The following HDAC4 variants were observed in gnomAD, a reference collection of about 807,000 sequenced individuals.
The protein encoded by HDAC4 is histone deacetylase A.
Under a neutral mutation model 135.1 loss-of-function variants are expected in HDAC4, and 16 were observed. The observed-to-expected ratio is 0.12, with a 90% CI of 0.08 to 0.18. The LOEUF (loss-of-function observed/expected upper bound fraction) is 0.18. Among genes scored for constraint, HDAC4 ranks in the 10% least tolerant of loss-of-function variants. The probability of loss-of-function intolerance (pLI) is 1.00; values close to 1 mark genes in which losing one functional copy is unlikely to be tolerated. For missense variants in HDAC4, 1,143 were observed against 1,511.8 expected (o/e 0.76, Z 4.05); for synonymous variants, 685 against 653.4 (o/e 1.05, Z -0.74).
intron 4 of HDAC4, among the ~76,000 whole-genome samples, chr2:239,178,975 C>T (rs572051271): frequency 5.7e-4 from 87 of 151,600 alleles, no homozygotes; most frequent in African/African-American, 1.8e-3. Context: ...GGAGTGCGTG[C>T]GAGGCAGCCA....
chr2:239,075,455 G>A (rs962013050), intron 22 of HDAC4, among the ~76,000 whole-genome samples: 42 of 152,122 alleles, frequency 2.8e-4, no homozygotes, highest in Admixed American at 5.9e-4. Flanking sequence ...GGAGAAATGG[G>A]TGGAAAGAGG....
intron 7 of HDAC4, among the ~76,000 whole-genome samples, chr2:239,148,070 G>A (rs1240215821): frequency 6.6e-6 from 1 of 152,206 alleles, no homozygotes; most frequent in African/African-American, 2.4e-5. Flanking sequence ...GCAATGTCCA[G>A]CGGCCAGCGA....
Position 239,309,887 on chromosome 2 carries a change from GC to G in HDAC4, c.22+42790del, listed in dbSNP as rs1189984342. On this transcript the variant is annotated intron_variant, in intron 2 of 26. Transcript: ENST00000543185. The surrounding 1 kb of genome is among the most constrained non-coding windows in gnomAD (Gnocchi z 4.2). ...CTAGCAGAAGGGTGTTCTGGAAGCT[GC>G]CCCCTCCCATGCTGCTGCCTGGTCC... 3.3e-5 allele frequency among the ~76,000 whole-genome samples: 5 copies of G among 152,230 alleles called. No individual in the cohort carries two copies. The highest frequency in any genetic ancestry group is 7.3e-5 in the Non-Finnish European group (5 of 68,032).
rs1179691315 is a variant in HDAC4, at chr2:239,277,926, T to TCCAGCCACACACG, written c.23-41275_23-41263dup. On this transcript the variant is annotated intron_variant, in intron 2 of 26. Coordinates refer to ENST00000543185, the MANE Select transcript of HDAC4 (RefSeq NM_001378414.1). ...CCAGTCACACACCCCAGCCACACAC[T>TCCAGCCACACACG]CCAGCCACACACGCCAGCCACACAC... Among the ~76,000 whole-genome samples, 25 of 144,566 alleles carry TCCAGCCACACACG rather than the reference T, an allele frequency of 1.7e-4. 1 individual carries two copies. In the Middle Eastern group the frequency reaches 0.01, roughly 60 times the overall value. The allele number at this position is 144,566 out of a possible 152,430, so 94.8% of individuals were successfully genotyped here.
intron 2 of HDAC4, among the ~76,000 whole-genome samples, chr2:239,273,688 G>A (rs149297083): frequency 6.6e-6 from 1 of 152,286 alleles, no homozygotes; most frequent in African/African-American, 2.4e-5. Flanking sequence ...AGAGGGAGGA[G>A]GAACTTGCTC....
chr2:239,250,264 C>T (rs778897760), intron 2 of HDAC4, among the ~76,000 whole-genome samples: 10 of 152,368 alleles, frequency 6.6e-5, no homozygotes, highest in Non-Finnish European at 1.5e-4. Flanking sequence ...GACACAGAGT[C>T]GGCCCCCAGG....
intron 7 of HDAC4, among the ~76,000 whole-genome samples, chr2:239,145,714 CTCT>C (rs1420353733): frequency 6.6e-6 from 1 of 152,090 alleles, no homozygotes; most frequent in Admixed American, 6.5e-5. Flanking sequence ...GAGATTTTAC[CTCT>C]TCTTAAAGAA....
At chr2:239,053,705 T>G (rs1034522992) in intron 25 of HDAC4, 104 bp from the exon 26 acceptor site, 63 of 935,624 alleles carry the variant, frequency 6.7e-5, no homozygotes, top group Non-Finnish European at 1.0e-4. Flanking sequence ...ACCAGATTGA[T>G]CCCTTATGAT....
chr2:239,199,471 G>A (rs1184949444), intron 3 of HDAC4, among the ~76,000 whole-genome samples: 1 of 152,164 alleles, frequency 6.6e-6, no homozygotes, highest in East Asian at 1.9e-4. Flanking sequence ...CACAAACAGC[G>A]CTTATGAGAA....
chr2:239,363,139 G>A (rs993725921), intron 1 of HDAC4, among the ~76,000 whole-genome samples: 2 of 152,120 alleles, frequency 1.3e-5, no homozygotes, highest in African/African-American at 4.8e-5. Flanking sequence ...ACTATAAAAC[G>A]TAAGTGAAAT....
rs530614090 is a variant in HDAC4 at position 239,149,579 on chromosome 2, G to A, written c.734-4865C>T. 3.2e-4 allele frequency among the ~76,000 whole-genome samples: 49 copies of A among 152,202 alleles called. No individual in the cohort carries two copies. In the South Asian group the frequency reaches 3.7e-3, roughly 12 times the overall value. On this transcript the variant is annotated intron_variant, in intron 7 of 26. Transcript: ENST00000543185. ...ACCTCCATTCAGCACTGATGGAACC[G>A]CCTCACGTGCCCTGCGTGGCTCCAG... is the stretch of plus-strand genomic sequence containing the variant.
chr2:239,371,038 A>T (rs1694571692), intron 1 of HDAC4, among the ~76,000 whole-genome samples: 1 of 152,188 alleles, frequency 6.6e-6, no homozygotes, highest in South Asian at 2.1e-4. Context: ...CCCCAGAGTC[A>T]GTCACTCCTC....
At chr2:239,228,287 G>A (rs2153152122) in intron 3 of HDAC4, among the ~76,000 whole-genome samples, 1 of 152,330 alleles carries the variant, frequency 6.6e-6, no homozygotes, top group African/African-American at 2.4e-5. Flanking sequence ...GGAAGACTGT[G>A]CTGCCCCCAT....
At chr2:239,284,273 C>T (rs755333804) in intron 2 of HDAC4, among the ~76,000 whole-genome samples, 32 of 152,198 alleles carry the variant, frequency 2.1e-4, no homozygotes, top group Non-Finnish European at 4.3e-4. Flanking sequence ...GGACTGGCTG[C>T]GCTTCTGATG....
intron 22 of HDAC4, among the ~76,000 whole-genome samples, chr2:239,069,462 G>A (rs1476072374): frequency 3.8e-5 from 4 of 105,472 alleles, no homozygotes; most frequent in Non-Finnish European, 7.8e-5. Flanking sequence ...AGTGAGTCAC[G>A]GTGCAAGCCA....
intron 2 of HDAC4, among the ~76,000 whole-genome samples, chr2:239,346,206 A>C: frequency 6.6e-6 from 1 of 151,106 alleles, no homozygotes; most frequent in Non-Finnish European, 1.5e-5. Flanking sequence ...ACACATACAT[A>C]CCTTAACACA....
chr2:239,371,971 G>A (rs149288490), intron 1 of HDAC4, among the ~76,000 whole-genome samples: 3 of 152,334 alleles, frequency 2.0e-5, no homozygotes, highest in East Asian at 1.9e-4. Context: ...AGCAGCTGGC[G>A]GACGGGAGCA....
chr2:239,399,652 T>C (rs899331645), intron 1 of HDAC4, among the ~76,000 whole-genome samples: 1 of 152,220 alleles, frequency 6.6e-6, no homozygotes, highest in South Asian at 2.1e-4. Flanking sequence ...TCCCAGGCCT[T>C]AACTGCTTCG....
rs1213425555 is a variant in HDAC4, at chr2:239,176,652, C to T, written c.340-89G>A. 3.3e-6 allele frequency: 4 copies of T among 1,218,796 alleles called. No individual in the cohort carries two copies. The East Asian group carries it at 9.6e-5, about 29-fold the overall frequency. 75.5% of individuals were successfully genotyped at this position (1,218,796 alleles called of 1,614,324 possible). A position where few individuals can be genotyped will look rare whatever the true frequency, so the allele number is the denominator to read the frequency against. On this transcript the variant is annotated intron_variant, in intron 4 of 26. Transcript: ENST00000543185. ...TGAAGACCCAAGAAACCAGCCCAGG[C>T]CCTACACGTCTGCCCTGGTGTGGCC...
Sources: allele counts gnomAD v4.1 joint callset (sites outside exome capture counted in the v4.1 genomes callset), GRCh38; gene constraint gnomAD v4.1.1; non-coding constraint Gnocchi (gnomAD v3.1); transcripts MANE v1.5; gene names NCBI Gene and HGNC (gene_info 2026-07-23, HGNC 2026-07-21).